The following HMCN1 variants were observed in gnomAD, a reference collection of about 807,000 sequenced individuals.
HMCN1 encodes hemicentin 1, also known as hemicentin-1.
HMCN1 carries 321 observed loss-of-function variants against 625.9 expected under a neutral mutation model. The observed-to-expected ratio is 0.51, with a 90% CI of 0.47 to 0.56. HMCN1 has a LOEUF of 0.56. HMCN1 is among the 20% of genes least tolerant of loss of function. The pLI is 0.00. For synonymous variants in HMCN1, 2,425 were observed against 2,417.6 expected, an observed-to-expected ratio of 1.00 and a Z score of -0.09; for missense variants, 6,588 against 6,887.3, an observed-to-expected ratio of 0.96 and a Z score of 1.54.
chr1:186,145,647 T>C, intron 92 of HMCN1, 74 bp downstream of exon 92: 1 of 1,610,216 alleles, frequency 6.2e-7, no homozygotes. Context: ...GGCCTATTGC[T>C]TCAGACCTTA....
chr1:186,038,627 A>C (rs1655993759), intron 37 of HMCN1, among the ~76,000 whole-genome samples: 1 of 152,208 alleles, frequency 6.6e-6, no homozygotes, highest in Non-Finnish European at 1.5e-5. Context: ...ATTCATTTTC[A>C]GGACTCACCG....
chr1:185,864,629 G>A lies in HMCN1; in HGVS notation c.498+1G>A, dbSNP rs149911074. On this transcript the variant is annotated splice_donor_variant, in intron 3 of 106. Coordinates refer to ENST00000271588, the MANE Select transcript of HMCN1 (RefSeq NM_031935.3). LOFTEE classifies it high-confidence loss of function. Reference sequence around the variant, plus strand: ...ACTTATCCAACAGAAACAGTCACAAGTGAGTAAGAATCAACCCCAAACGTC... The same window carrying A: ...ACTTATCCAACAGAAACAGTCACAAATGAGTAAGAATCAACCCCAAACGTC... 19 of 1,613,750 alleles carry A rather than the reference G, an allele frequency of 1.2e-5. No homozygotes were observed. Among genetic ancestry groups the A allele is most frequent in the Non-Finnish European group, 1.4e-5 (16 of 1,179,888 alleles).
At chr1:185,954,179 G>T (rs1370882570) in intron 11 of HMCN1, among the ~76,000 whole-genome samples, 1 of 152,088 alleles carries the variant, frequency 6.6e-6, no homozygotes, top group African/African-American at 2.4e-5. Context: ...CAAGTCACAG[G>T]GGATGCGATG....
chr1:185,807,239 A>C (rs1202770106), intron 1 of HMCN1, among the ~76,000 whole-genome samples: 2 of 152,182 alleles, frequency 1.3e-5, no homozygotes, highest in Admixed American at 1.3e-4. Context: ...TGAAAAATAA[A>C]GAGTTACATT....
intron 86 of HMCN1, among the ~76,000 whole-genome samples, chr1:186,134,186 C>CATATTTATTATGTGAATGATGA (rs1649422214): frequency 1.3e-5 from 2 of 152,000 alleles, no homozygotes; most frequent in African/African-American, 4.8e-5. Flanking sequence ...TTAAAGTGTT[C>CATATTTATTATGTGAATGATGA]ATATTTATTA....
chr1:185,979,620 A>G (rs1465017293), intron 16 of HMCN1, among the ~76,000 whole-genome samples: 1 of 152,198 alleles, frequency 6.6e-6, no homozygotes, highest in Non-Finnish European at 1.5e-5. Flanking sequence ...GAACTAATGT[A>G]TGATTTATTA....
Position 186,088,658 on chromosome 1 carries a change from G to C in HMCN1, c.9630G>C (p.Gln3210His). ...VRILSGGSKL[Q>H]IARSQHSDSG... Reference sequence around the variant, plus strand: ...TTTTGTCTGGAGGTAGCAAACTCCAGATTGCCCGGTCTCAGCATTCAGATA... The same window carrying C: ...TTTTGTCTGGAGGTAGCAAACTCCACATTGCCCGGTCTCAGCATTCAGATA... Residue 3210 changes from glutamine to histidine, a missense_variant, in exon 63 of 107, where the codon CAG becomes CAC. This residue lies in a region of HMCN1 where 4,628 missense variants were observed against 4,853.1 expected (regional missense o/e 0.95). Transcript: ENST00000271588. The C allele has an allele frequency of 6.2e-7, 1 of 1,612,086 alleles. No individual in the cohort carries two copies.
intron 11 of HMCN1, among the ~76,000 whole-genome samples, chr1:185,934,349 TACAC>T (rs1039662154): frequency 6.6e-6 from 1 of 152,106 alleles, no homozygotes; most frequent in African/African-American, 2.4e-5. Flanking sequence ...TTATTTGTCT[TACAC>T]ACACACATAC....
rs1436988849 is a variant in HMCN1 at position 186,161,550 on chromosome 1, A to G, written c.15257-3561A>G. Among the ~76,000 whole-genome samples, 865 of 150,692 alleles carry G rather than the reference A, an allele frequency of 5.7e-3. 10 individuals carry two copies. The highest frequency in any genetic ancestry group is 0.021 in the African/African-American group (830 of 40,080). The stretch of plus-strand genomic sequence containing the variant: ...TTACATTTTGGCATGATTTTGCAGC[A>G]GCTGGTACCAGTTGTTCCTTTCCAT... On this transcript the variant is annotated intron_variant, in intron 97 of 106. Transcript: ENST00000271588.
At chr1:185,997,271 G>A (rs976067910) in intron 24 of HMCN1, among the ~76,000 whole-genome samples, 158 bp from the exon 25 acceptor site, 8 of 152,008 alleles carry the variant, frequency 5.3e-5, no homozygotes, top group East Asian at 3.9e-4. Flanking sequence ...ACTGGGTGAC[G>A]TCTAGGTAGA....
intron 42 of HMCN1, among the ~76,000 whole-genome samples, chr1:186,052,332 G>A (rs1249169840): frequency 6.6e-6 from 1 of 152,030 alleles, no homozygotes; most frequent in Non-Finnish European, 1.5e-5. Flanking sequence ...CCAAGGAAGT[G>A]TCCTTAAGGA....
chr1:186,187,789 C>G (rs1653438230), intron 105 of HMCN1, 94 bp from the exon 106 acceptor site: 2 of 1,518,822 alleles, frequency 1.3e-6, no homozygotes, highest in Admixed American at 1.7e-5. Flanking sequence ...GAAGGCTAGC[C>G]CTCCACATTC....
chr1:186,036,741 C>T (rs979432300), intron 36 of HMCN1, among the ~76,000 whole-genome samples: 1 of 152,114 alleles, frequency 6.6e-6, no homozygotes, highest in Admixed American at 6.5e-5. Context: ...CAGGCGCCCA[C>T]CACTACCTCC....
At position 186,065,352 on chromosome 1, in the gene HMCN1, C is replaced by T; in HGVS notation, c.7628C>T (p.Pro2543Leu). The T allele has an allele frequency of 6.2e-7, 1 of 1,612,022 alleles. No individual in the cohort carries two copies. The highest frequency in any genetic ancestry group is 8.5e-7 in the Non-Finnish European group (1 of 1,179,452). The change falls in exon 49 of 107, where the codon CCA (proline) becomes CTA (leucine). Residue 2543 changes from proline to leucine, a missense_variant. Coordinates refer to ENST00000271588, the MANE Select transcript of HMCN1 (RefSeq NM_031935.3). ...CTTCAAATTACCAATGTCCAGGTGCCACACACTGGAAGATATACATGTTTG... is the reference window on the plus strand; with the variant it reads ...CTTCAAATTACCAATGTCCAGGTGCTACACACTGGAAGATATACATGTTTG... ...RFLQITNVQVPHTGRYTCLAS... is the reference protein window; with the variant it reads ...RFLQITNVQVLHTGRYTCLAS...
Position 186,083,876 on chromosome 1 carries a change from C to T in HMCN1, c.8884+915C>T, listed in dbSNP as rs769648257. Among the ~76,000 whole-genome samples, 79 of 152,050 alleles carry T rather than the reference C, an allele frequency of 5.2e-4. 1 individual carries two copies. Among genetic ancestry groups the T allele is most frequent in the Non-Finnish European group, 1.6e-4 (11 of 68,004 alleles). ...CACACTGTAGATGCTTAATAAGTGTCCTTGAAGTTTTTTGAATGGATAAAT... is the reference window on the plus strand; with the variant it reads ...CACACTGTAGATGCTTAATAAGTGTTCTTGAAGTTTTTTGAATGGATAAAT... On this transcript the variant is annotated intron_variant, in intron 57 of 106. Transcript: ENST00000271588.
At chr1:185,852,322 GATAT>G (rs1382193012) in intron 2 of HMCN1, among the ~76,000 whole-genome samples, 1 of 151,522 alleles carries the variant, frequency 6.6e-6, no homozygotes, top group Non-Finnish European at 1.5e-5. Flanking sequence ...TTAATTTCTA[GATAT>G]ATAGAGAATT....
intron 1 of HMCN1, among the ~76,000 whole-genome samples, chr1:185,811,724 T>G (rs1659531272): frequency 4.3e-5 from 6 of 139,850 alleles, no homozygotes; most frequent in Admixed American, 4.1e-4. Flanking sequence ...CTCTTTCCCT[T>G]GCTCTAAAAA....
intron 46 of HMCN1, among the ~76,000 whole-genome samples, chr1:186,058,840 C>T (rs1015365604): frequency 2.0e-5 from 3 of 151,880 alleles, no homozygotes; most frequent in Non-Finnish European, 4.4e-5. Context: ...GTCTAAAAAA[C>T]CTAAGTTCCC....
chr1:185,922,525 T>C lies in HMCN1; in HGVS notation c.1021+26T>C, dbSNP rs1342186052. The C allele has an allele frequency of 3.2e-6, 5 of 1,576,100 alleles. No individual in the cohort carries two copies. In the South Asian group the frequency reaches 3.4e-5, roughly 11 times the overall value. ...GTTTGTATGTGCATATTATTTAAAT[T>C]GACATAATAGATATCCAAATGAAAA... On this transcript the variant is annotated intron_variant, in intron 7 of 106. Coordinates refer to ENST00000271588, the MANE Select transcript of HMCN1 (RefSeq NM_031935.3).
Sources: gnomAD v4.1 joint callset for allele counts (sites outside exome capture counted in the v4.1 genomes callset) on GRCh38, gnomAD v4.1.1 for gene constraint, gnomAD v4.1.1 regional missense constraint, MANE v1.5 for transcripts, NCBI Gene and HGNC (gene_info 2026-07-23, HGNC 2026-07-21) for gene names.